ROBO2: variants seen among roughly 807,000 people sequenced by gnomAD.
ROBO2 encodes the protein roundabout homolog 2.
In ROBO2, 53 loss-of-function variants were observed where a neutral mutation model predicts 160.8. That is an observed-to-expected ratio of 0.33 (90% CI 0.26 to 0.41). The LOEUF (loss-of-function observed/expected upper bound fraction) is 0.41. ROBO2 is among the 10% of genes least tolerant of loss of function. ROBO2 has a pLI of 1.00. For missense variants in ROBO2, 1,577 were observed against 1,722.4 expected (o/e 0.92, Z 1.49); for synonymous variants, 664 against 611.7 (o/e 1.09, Z -1.26).
chr3:75,937,847 A>AT (rs1283513306), intron 2 of ROBO2, among the ~76,000 whole-genome samples: 5 of 84,904 alleles, frequency 5.9e-5, no homozygotes, highest in Admixed American at 1.2e-4. Flanking sequence ...GATTTTATAT[A>AT]TATATATATA....
chr3:77,583,231 AG>A (rs1266031232), intron 16 of ROBO2, among the ~76,000 whole-genome samples: 3 of 151,576 alleles, frequency 2.0e-5, no homozygotes, highest in Admixed American at 6.6e-5. Context: ...TTTTCAACTC[AG>A]GGATGCTGTT....
At chr3:76,910,731 AAAAAAAAAAAAAAG>A (rs1203094797) in intron 2 of ROBO2, among the ~76,000 whole-genome samples, 3 of 146,548 alleles carry the variant, frequency 2.0e-5, no homozygotes, top group Non-Finnish European at 4.5e-5. Context: ...GTCTCAAAAA[AAAAAAAAAAAAAAG>A]AAAAAAAAAG....
exon 26 of ROBO2, chr3:77,646,902 A>AC (rs1450179651): frequency 6.6e-6 from 1 of 152,590 alleles, no homozygotes; most frequent in East Asian, 1.9e-4. Flanking sequence ...TCTGAGAATT[A>AC]CAATAAGCAA....
intron 2 of ROBO2, among the ~76,000 whole-genome samples, chr3:76,217,678 A>G (rs1703648996): frequency 1.3e-5 from 2 of 152,208 alleles, no homozygotes; most frequent in African/African-American, 4.8e-5. Context: ...TTAATAGCTT[A>G]CCAACCAAAA....
intron 1 of ROBO2, among the ~76,000 whole-genome samples, chr3:75,910,269 G>A (rs1946514958): frequency 6.6e-6 from 1 of 152,198 alleles, no homozygotes; most frequent in South Asian, 2.1e-4. Flanking sequence ...GTGCTGAGGA[G>A]TTGTGGGTAG....
chr3:76,280,526 G>T (rs2107666926), intron 2 of ROBO2, among the ~76,000 whole-genome samples: 1 of 152,098 alleles, frequency 6.6e-6, no homozygotes, highest in East Asian at 1.9e-4. Context: ...TTAGTCTCTA[G>T]AGTGCAAGAA....
chr3:76,486,996 G>T (rs765629264), intron 2 of ROBO2, among the ~76,000 whole-genome samples: 5 of 152,158 alleles, frequency 3.3e-5, no homozygotes, highest in Middle Eastern at 6.8e-3. Context: ...CAGAGACAGG[G>T]TCTCGCTTTG....
At chr3:76,581,812 T>C (rs756900906) in intron 2 of ROBO2, among the ~76,000 whole-genome samples, 2 of 152,116 alleles carry the variant, frequency 1.3e-5, no homozygotes, top group Admixed American at 1.3e-4. Context: ...AAAGAAAAGA[T>C]TGGTTTAAAA....
At chr3:76,421,645 G>A (rs754461504) in intron 2 of ROBO2, among the ~76,000 whole-genome samples, 1 of 151,612 alleles carries the variant, frequency 6.6e-6, no homozygotes, top group Admixed American at 6.6e-5. Flanking sequence ...AGAATCACCT[G>A]AACCTAGGAG....
intron 2 of ROBO2, among the ~76,000 whole-genome samples, chr3:75,987,667 G>A (rs2065451723): frequency 6.6e-6 from 1 of 151,960 alleles, no homozygotes; most frequent in African/African-American, 2.4e-5. Flanking sequence ...TTAACAGTGA[G>A]TGTGATGTTG....
chr3:77,636,511 G>A (rs192795741), intron 24 of ROBO2, among the ~76,000 whole-genome samples: 2 of 152,160 alleles, frequency 1.3e-5, no homozygotes, highest in Admixed American at 6.5e-5. Flanking sequence ...AGAATTGCTT[G>A]AACCAGGGAG....
At chr3:77,119,903 G>A (rs1156555096) in intron 2 of ROBO2, among the ~76,000 whole-genome samples, 1 of 152,190 alleles carries the variant, frequency 6.6e-6, no homozygotes, top group African/African-American at 2.4e-5. Flanking sequence ...AATTCAGAAA[G>A]ACACTGAGAA....
At chr3:76,240,672 G>A (rs957776998) in intron 2 of ROBO2, among the ~76,000 whole-genome samples, 1 of 152,118 alleles carries the variant, frequency 6.6e-6, no homozygotes, top group Admixed American at 6.5e-5. Context: ...TTTCCTGTGG[G>A]TGAGGTGACG....
At chr3:77,264,919 G>T (rs1381103087) in intron 2 of ROBO2, among the ~76,000 whole-genome samples, 1 of 152,016 alleles carries the variant, frequency 6.6e-6, no homozygotes, top group African/African-American at 2.4e-5. Context: ...GTTCCTTTAG[G>T]TGTATCACTA....
At chr3:76,991,382 G>T (rs142570037) in intron 2 of ROBO2, among the ~76,000 whole-genome samples, 3 of 152,186 alleles carry the variant, frequency 2.0e-5, no homozygotes, top group Non-Finnish European at 4.4e-5. Flanking sequence ...CAATATCATC[G>T]CACAGTATGC....
At chr3:76,989,896 T>C (rs1204385738) in intron 2 of ROBO2, among the ~76,000 whole-genome samples, 1 of 152,120 alleles carries the variant, frequency 6.6e-6, no homozygotes, top group Non-Finnish European at 1.5e-5. Context: ...AGGGGCATAG[T>C]TGTGTTTCTT....
intron 2 of ROBO2, among the ~76,000 whole-genome samples, chr3:76,240,666 C>T (rs1705230351): frequency 6.6e-6 from 1 of 152,026 alleles, no homozygotes; most frequent in Admixed American, 6.5e-5. Context: ...AGTAAATTTC[C>T]TGTGGGTGAG....
chr3:75,955,108 A>G (rs1396443557), intron 2 of ROBO2, among the ~76,000 whole-genome samples: 1 of 151,814 alleles, frequency 6.6e-6, no homozygotes, highest in Non-Finnish European at 1.5e-5. Flanking sequence ...TTTTGCTAGT[A>G]CCAATAGAAA....
At position 75,978,687 on chromosome 3, in the gene ROBO2, T is replaced by C. The variant is rs2065195857; in HGVS notation, c.109+41085T>C. On this transcript the variant is annotated intron_variant, in intron 2 of 26. Transcript: ENST00000487694. ...TCTCAACAGTAGTAAAACTGCACTGTTGTGGTAAAGACACATGCAAGTTCC... is the reference window on the plus strand; with the variant it reads ...TCTCAACAGTAGTAAAACTGCACTGCTGTGGTAAAGACACATGCAAGTTCC... Among the ~76,000 whole-genome samples, 7 of 151,620 alleles carry C rather than the reference T, an allele frequency of 4.6e-5. No individual in the cohort carries two copies. In the Admixed American group the frequency reaches 4.6e-4, roughly 10 times the overall value.
Sources: gnomAD v4.1 joint callset for allele counts (sites outside exome capture counted in the v4.1 genomes callset) on GRCh38, gnomAD v4.1.1 for gene constraint, MANE v1.5 for transcripts, NCBI Gene and HGNC (gene_info 2026-07-23, HGNC 2026-07-21) for gene names.